The following PRIMA1 variants were observed in gnomAD, a reference collection of about 807,000 sequenced individuals.
PRIMA1 encodes proline rich membrane anchor 1.
Under a neutral mutation model 17.5 loss-of-function variants are expected in PRIMA1, and 7 were observed. The ratio of observed to expected loss-of-function variants is 0.40; its 90% CI spans 0.23 to 0.75. The LOEUF is 0.75. Ranked by LOEUF, PRIMA1 falls within the 30% of genes least tolerant of loss-of-function variation. The pLI is 0.37. For missense variants in PRIMA1, 200 were observed against 201.8 expected (o/e 0.99, Z 0.05); for synonymous variants, 97 against 77.9 (o/e 1.25, Z -1.29).
intron 3 of PRIMA1, among the ~76,000 whole-genome samples, chr14:93,767,730 G>A (rs1595217777): frequency 2.0e-5 from 3 of 152,282 alleles, no homozygotes; most frequent in Admixed American, 2.0e-4. Context: ...CCTGCCTCAT[G>A]CTAGGTGGCA....
chr14:93,732,743 G>A (rs1405687697), intron 4 of PRIMA1, among the ~76,000 whole-genome samples: 4 of 152,350 alleles, frequency 2.6e-5, no homozygotes, highest in South Asian at 4.1e-4. Flanking sequence ...AAGGCTGCTC[G>A]GAGATTGTCA....
At chr14:93,749,642 C>A (rs2076248039) in intron 3 of PRIMA1, among the ~76,000 whole-genome samples, 1 of 152,214 alleles carries the variant, frequency 6.6e-6, no homozygotes, top group South Asian at 2.1e-4. Flanking sequence ...GAGCTCGTGA[C>A]CTTGGGAAGG....
intron 3 of PRIMA1, among the ~76,000 whole-genome samples, chr14:93,778,887 C>A (rs947012400): frequency 1.3e-5 from 2 of 151,628 alleles, no homozygotes; most frequent in African/African-American, 4.8e-5. Context: ...GCAGCTGCCC[C>A]CTTTAAAGAT....
At chr14:93,769,913 C>T (rs1885007519) in intron 3 of PRIMA1, among the ~76,000 whole-genome samples, 1 of 152,150 alleles carries the variant, frequency 6.6e-6, no homozygotes, top group Admixed American at 6.5e-5. Context: ...TTCCTTGCAC[C>T]ACCTGAGTCT....
chr14:93,765,392 C>G (rs1884857551), intron 3 of PRIMA1, among the ~76,000 whole-genome samples: 1 of 150,464 alleles, frequency 6.6e-6, no homozygotes, highest in Non-Finnish European at 1.5e-5. Context: ...GGATCAGACA[C>G]TTAATAGGTT....
chr14:93,787,869 T>TA (rs1168762851), intron 1 of PRIMA1, 120 bp from the exon 2 acceptor site: 1 of 1,190,120 alleles, frequency 8.4e-7, no homozygotes, highest in Non-Finnish European at 1.1e-6. Context: ...GGCACCCTAG[T>TA]AAACCAAGCC....
At chr14:93,768,109 T>A (rs755905901) in intron 3 of PRIMA1, among the ~76,000 whole-genome samples, 45 of 151,436 alleles carry the variant, frequency 3.0e-4, no homozygotes, top group Non-Finnish European at 4.6e-4. Flanking sequence ...AATCTCTTTT[T>A]AAAAAAAAAG....
At chr14:93,778,565 C>T (rs142214619) in intron 3 of PRIMA1, among the ~76,000 whole-genome samples, 15 of 152,302 alleles carry the variant, frequency 9.8e-5, no homozygotes, top group African/African-American at 3.6e-4. Flanking sequence ...TTGGAGAGAC[C>T]TTATCAAGTA....
At chr14:93,767,923 G>A (rs1043796029) in intron 3 of PRIMA1, among the ~76,000 whole-genome samples, 2 of 152,220 alleles carry the variant, frequency 1.3e-5, no homozygotes, top group African/African-American at 4.8e-5. Flanking sequence ...AAGATCAGTG[G>A]CTGCAGGGGA....
chr14:93,736,560 C>G (rs1387082812), intron 4 of PRIMA1, among the ~76,000 whole-genome samples: 1 of 152,226 alleles, frequency 6.6e-6, no homozygotes, highest in Non-Finnish European at 1.5e-5. Flanking sequence ...TGCATGGAGC[C>G]GCCATGCCCG....
intron 3 of PRIMA1, among the ~76,000 whole-genome samples, chr14:93,739,804 G>T (rs969320905): frequency 1.3e-5 from 2 of 152,126 alleles, no homozygotes; most frequent in South Asian, 4.1e-4. Context: ...GGTGGTTCAC[G>T]CCTGTAATCC....
At chr14:93,757,189 G>C (rs1337625904) in intron 3 of PRIMA1, among the ~76,000 whole-genome samples, 4 of 148,612 alleles carry the variant, frequency 2.7e-5, no homozygotes, top group African/African-American at 2.6e-5. Context: ...TGTGAGACGT[G>C]GGTTTAAAAA....
intron 2 of PRIMA1, 33 bp from the exon 3 acceptor site, chr14:93,779,344 GAGA>G: frequency 6.6e-7 from 1 of 1,524,004 alleles, no homozygotes; most frequent in Non-Finnish European, 8.7e-7. Flanking sequence ...CCAAGAGAGA[GAGA>G]AGACCATAAG....
intron 4 of PRIMA1, among the ~76,000 whole-genome samples, chr14:93,734,634 C>T (rs956262213): frequency 2.0e-5 from 3 of 152,046 alleles, no homozygotes; most frequent in African/African-American, 7.2e-5. Flanking sequence ...GGAAGAAGCC[C>T]CATCCATGCC....
chr14:93,757,142 A>G (rs1030158815), intron 3 of PRIMA1, among the ~76,000 whole-genome samples: 2 of 152,324 alleles, frequency 1.3e-5, no homozygotes, highest in African/African-American at 2.4e-5. Flanking sequence ...CAGAGCCAGC[A>G]CGCAGTGGGA....
chr14:93,739,859 A>G (rs1426835886), intron 3 of PRIMA1, among the ~76,000 whole-genome samples: 1 of 152,132 alleles, frequency 6.6e-6, no homozygotes, highest in Non-Finnish European at 1.5e-5. Flanking sequence ...TGAGGTCAGG[A>G]GTTTGAGACC....
chr14:93,778,962 C>T (rs1885302185), intron 3 of PRIMA1, among the ~76,000 whole-genome samples: 1 of 152,008 alleles, frequency 6.6e-6, no homozygotes, highest in South Asian at 2.1e-4. Flanking sequence ...ATCTGATTAA[C>T]TGATGGAGAA....
chr14:93,744,652 G>A (rs979901661), intron 3 of PRIMA1, among the ~76,000 whole-genome samples: 6 of 152,280 alleles, frequency 3.9e-5, no homozygotes, highest in South Asian at 2.1e-4. Flanking sequence ...GCCCTTGTGC[G>A]CCTGCAATTC....
chr14:93,788,014 C>G (rs1414052985), intron 1 of PRIMA1, among the ~76,000 whole-genome samples: 2 of 152,312 alleles, frequency 1.3e-5, no homozygotes, highest in East Asian at 3.9e-4. Context: ...GCGTGCATAC[C>G]TTGGCCCCAT....
Sources: gnomAD v4.1 joint callset for allele counts (sites outside exome capture counted in the v4.1 genomes callset) on GRCh38, gnomAD v4.1.1 for gene constraint, MANE v1.5 for transcripts, NCBI Gene and HGNC (gene_info 2026-07-23, HGNC 2026-07-21) for gene names.